The following TBCE variants were observed in gnomAD, a reference collection of about 807,000 sequenced individuals.
TBCE encodes the protein tubulin folding cofactor E.
In TBCE, 53 loss-of-function variants were observed where a neutral mutation model predicts 77.0. The observed-to-expected ratio is 0.69, with a 90% CI of 0.55 to 0.87. The LOEUF (loss-of-function observed/expected upper bound fraction) is 0.87. TBCE is among the 40% of genes least tolerant of loss of function. The probability of loss-of-function intolerance (pLI) is 0.00; values close to 1 mark genes in which losing one functional copy is unlikely to be tolerated. For missense variants in TBCE, 624 were observed against 622.4 expected (o/e 1.00, Z -0.03); for synonymous variants, 235 against 241.3 (o/e 0.97, Z 0.24).
chr1:235,394,852 A>T (rs575444424), intron 2 of TBCE, among the ~76,000 whole-genome samples: 1 of 152,212 alleles, frequency 6.6e-6, no homozygotes, highest in East Asian at 1.9e-4. Flanking sequence ...AGTTGGGATT[A>T]CAGGCACTAG....
At chr1:235,446,260 C>T (rs1420995310) in intron 15 of TBCE, among the ~76,000 whole-genome samples, 7 of 152,092 alleles carry the variant, frequency 4.6e-5, no homozygotes, top group Non-Finnish European at 1.0e-4. Flanking sequence ...ACTGCAAACT[C>T]TGCCTTCCGG....
intron 1 of TBCE, among the ~76,000 whole-genome samples, chr1:235,374,423 G>A (rs2102801404): frequency 6.8e-6 from 1 of 146,510 alleles, no homozygotes; most frequent in South Asian, 2.1e-4. Flanking sequence ...AGCTGGAAAT[G>A]TTTACCCTGG....
Position 235,390,123 on chromosome 1 carries a change from CAAAAAA to C in TBCE, c.100+9980_100+9985del, listed in dbSNP as rs756117658. ...CCTGGGTGACAGAGTAAGACTGTCT[CAAAAAA>C]AAAAAGAAAAAGAAAAAGAAATGCA... On this transcript the variant is annotated intron_variant, in intron 2 of 16. Transcript: ENST00000642610. 2.3e-5 allele frequency among the ~76,000 whole-genome samples: 3 copies of C among 128,814 alleles called. No individual in the cohort carries two copies. The South Asian group carries it at 7.3e-4, about 31-fold the overall frequency. The allele number at this position is 128,814 out of a possible 152,430, so 84.5% of individuals were successfully genotyped here. A position where few individuals can be genotyped will look rare whatever the true frequency, so the allele number is the denominator to read the frequency against.
chr1:235,410,357 A>AG (rs1679712920), intron 3 of TBCE, among the ~76,000 whole-genome samples: 2 of 152,142 alleles, frequency 1.3e-5, no homozygotes, highest in African/African-American at 4.8e-5. Context: ...ATGCTAAACA[A>AG]GGGGTGGATT....
chr1:235,412,797 A>AATT (rs71853087), intron 3 of TBCE, among the ~76,000 whole-genome samples: 4 of 151,712 alleles, frequency 2.6e-5, no homozygotes, highest in Non-Finnish European at 5.9e-5. Context: ...CATCCTTTTC[A>AATT]ATTATTATTA....
chr1:235,412,993 G>C (rs569270262), intron 3 of TBCE, among the ~76,000 whole-genome samples: 10 of 151,944 alleles, frequency 6.6e-5, no homozygotes, highest in Admixed American at 5.2e-4. Context: ...AGTAGAGATG[G>C]GGTTTCTTCA....
At chr1:235,427,393 G>A (rs544374213) in intron 6 of TBCE, among the ~76,000 whole-genome samples, 154 bp downstream of exon 6, 1 of 152,314 alleles carries the variant, frequency 6.6e-6, no homozygotes, top group African/African-American at 2.4e-5. Context: ...CAGGCTGATA[G>A]TGAGGGTATG....
chr1:235,413,066 GT>G, intron 3 of TBCE, among the ~76,000 whole-genome samples: 1 of 152,146 alleles, frequency 6.6e-6, no homozygotes, highest in African/African-American at 2.4e-5. Flanking sequence ...GCCTCCCAAA[GT>G]GCTGGGATTA....
At chr1:235,386,631 C>T (rs1423337846) in intron 2 of TBCE, among the ~76,000 whole-genome samples, 1 of 152,132 alleles carries the variant, frequency 6.6e-6, no homozygotes, top group Non-Finnish European at 1.5e-5. Context: ...AGTTCTTGAG[C>T]CTTGGCTTTC....
intron 15 of TBCE, among the ~76,000 whole-genome samples, chr1:235,448,067 G>C (rs1682548197): frequency 6.6e-6 from 1 of 152,030 alleles, no homozygotes; most frequent in African/African-American, 2.4e-5. Flanking sequence ...AAGTTAGCTG[G>C]GTGTGGTGAT....
intron 11 of TBCE, 135 bp downstream of exon 11, chr1:235,436,743 C>A: frequency 1.1e-6 from 1 of 885,034 alleles, no homozygotes; most frequent in Non-Finnish European, 1.8e-6. Context: ...GAGTGAAACT[C>A]CTCATAAGAA....
chr1:235,404,313 G>A (rs371428277), intron 3 of TBCE, among the ~76,000 whole-genome samples: 1 of 151,884 alleles, frequency 6.6e-6, no homozygotes, highest in Non-Finnish European at 1.5e-5. Context: ...GGGGTGGTAC[G>A]GGTGGTATGT....
At chr1:235,381,520 T>TA (rs1035212513) in intron 2 of TBCE, among the ~76,000 whole-genome samples, 5 of 151,380 alleles carry the variant, frequency 3.3e-5, no homozygotes, top group African/African-American at 1.2e-4. Flanking sequence ...CCATCTCCAG[T>TA]AAAAATCCAA....
In TBCE at chr1:235,390,052, G is replaced by A. The variant is rs562599936; in HGVS notation, c.100+9903G>A. ...GAGACAGCAGAATCGCTTGAACACG[G>A]GAGGAAGAGGTTGCAGTGAGACGAA... On this transcript the variant is annotated intron_variant, in intron 2 of 16. Transcript: ENST00000642610. 2.5e-3 allele frequency among the ~76,000 whole-genome samples: 379 copies of A among 152,040 alleles called. 2 individuals carry two copies. The Middle Eastern group carries it at 0.027, about 11-fold the overall frequency.
rs775360097 is a variant in TBCE, at chr1:235,441,841, TCAAAACA to T, written c.1301_1307del (p.Lys434SerfsTer6). The T allele has an allele frequency of 1.2e-6, 2 of 1,614,066 alleles. No homozygotes were observed. The highest frequency in any genetic ancestry group is 1.7e-6 in the Non-Finnish European group (2 of 1,179,984). On this transcript the variant is annotated frameshift_variant, in exon 14 of 17. Transcript: ENST00000642610. LOFTEE classifies it high-confidence loss of function. Reference sequence around the variant, plus strand: ...TATGGTGCACCTGAAGATTGGGAACTCAAAACACAGCAACCACTTATGCTGAAAAACC... The same window carrying T: ...TATGGTGCACCTGAAGATTGGGAACTCAGCAACCACTTATGCTGAAAAACC...
chr1:235,406,705 T>C (rs1485985262), intron 3 of TBCE, among the ~76,000 whole-genome samples: 1 of 152,078 alleles, frequency 6.6e-6, no homozygotes, highest in Non-Finnish European at 1.5e-5. Flanking sequence ...CTAATTTTTG[T>C]ATTTTTAGTA....
rs1227571418 is a variant in TBCE at position 235,449,673 on chromosome 1, A to T, written c.*911A>T. On this transcript the variant is annotated 3_prime_UTR_variant, in exon 17 of 17. Transcript: ENST00000642610. ...AGTTGCCCACTTCAGAGATCCACAAAATCTGACATTATTTCCAGAAACCCC... is the reference window on the plus strand; with the variant it reads ...AGTTGCCCACTTCAGAGATCCACAATATCTGACATTATTTCCAGAAACCCC... 1 of 152,510 alleles carries T rather than the reference A, an allele frequency of 6.6e-6. No homozygotes were observed. The highest frequency in any genetic ancestry group is 1.5e-5 in the Non-Finnish European group (1 of 68,292). 9.4% of individuals were successfully genotyped at this position (152,510 alleles called of 1,614,324 possible).
At chr1:235,390,129 A>G (rs184780205) in intron 2 of TBCE, among the ~76,000 whole-genome samples, 26 of 152,194 alleles carry the variant, frequency 1.7e-4, no homozygotes, top group East Asian at 1.4e-3. Context: ...GTCTCAAAAA[A>G]AAAAAGAAAA....
Position 235,438,927 on chromosome 1 carries a change from G to T in TBCE, c.1270+5G>T, listed in dbSNP as rs370662439. 1 of 1,614,112 alleles carries T rather than the reference G, an allele frequency of 6.2e-7. No homozygotes were observed. The highest frequency in any genetic ancestry group is 8.5e-7 in the Non-Finnish European group (1 of 1,180,030). On this transcript the variant is annotated splice_donor_5th_base_variant and intron_variant, in intron 13 of 16. Coordinates refer to ENST00000642610, the MANE Select transcript of TBCE (RefSeq NM_003193.5). ...GATACCAGTTCCTCTGCCTGAGTAC[G>T]TGCGTATACACTGGTGGCCTTCAGG...
Sources: gnomAD v4.1 joint callset for allele counts (sites outside exome capture counted in the v4.1 genomes callset) on GRCh38, gnomAD v4.1.1 for gene constraint, MANE v1.5 for transcripts, NCBI Gene and HGNC (gene_info 2026-07-23, HGNC 2026-07-21) for gene names.